CSMD1: variants seen among roughly 807,000 people sequenced by gnomAD.
CSMD1 encodes the protein CUB and Sushi multiple domains 1.
In CSMD1, 213 loss-of-function variants were observed where a neutral mutation model predicts 417.5. The ratio of observed to expected loss-of-function variants is 0.51; its 90% confidence interval spans 0.46 to 0.57. The LOEUF (loss-of-function observed/expected upper bound fraction) is 0.57, where lower values mean the gene tolerates loss of function less well. CSMD1 is among the 20% of genes least tolerant of loss of function. The pLI, the probability that CSMD1 is intolerant of heterozygous loss-of-function variation, is 0.00. For missense variants in CSMD1, 6,923 were observed against 4,529.7 expected, an observed-to-expected ratio of 1.53 and a Z score of -15.17; for synonymous variants, 2,862 against 1,736.8, an observed-to-expected ratio of 1.65 and a Z score of -16.11.
chr8:4,288,580 C>A (rs1034893366), intron 3 of CSMD1, among the ~76,000 whole-genome samples: 1 of 152,184 alleles, frequency 6.6e-6, no homozygotes, highest in Admixed American at 6.5e-5. Context: ...GCAAGTTCAG[C>A]TCTACGCATG....
intron 5 of CSMD1, among the ~76,000 whole-genome samples, chr8:3,933,579 T>C (rs773177777): frequency 1.3e-5 from 2 of 151,984 alleles, no homozygotes; most frequent in Non-Finnish European, 2.9e-5. Flanking sequence ...ATTGAGAAAA[T>C]ATAGGAGTGT....
intron 25 of CSMD1, among the ~76,000 whole-genome samples, chr8:3,292,923 G>C (rs558831754): frequency 2.6e-5 from 4 of 152,076 alleles, no homozygotes; most frequent in African/African-American, 9.6e-5. Context: ...TCCTAGTCTC[G>C]ATGGTCTTTA....
intron 2 of CSMD1, among the ~76,000 whole-genome samples, chr8:4,511,826 C>T (rs537063123): frequency 7.9e-5 from 12 of 152,224 alleles, no homozygotes; most frequent in African/African-American, 2.6e-4. Context: ...GTTTTACTTC[C>T]TGGAGCTTCA....
intron 9 of CSMD1, among the ~76,000 whole-genome samples, chr8:3,581,737 T>G (rs1800391539): frequency 6.6e-6 from 1 of 152,200 alleles, no homozygotes; most frequent in Non-Finnish European, 1.5e-5. Context: ...GAAACGATCA[T>G]TATCAGGCCA....
At chr8:3,934,505 G>T (rs1044892232) in intron 5 of CSMD1, among the ~76,000 whole-genome samples, 2 of 152,118 alleles carry the variant, frequency 1.3e-5, no homozygotes, top group African/African-American at 4.8e-5. Context: ...TGAAGGAAAG[G>T]TAATGAGGCC....
chr8:3,935,580 T>A (rs184919333), intron 5 of CSMD1, among the ~76,000 whole-genome samples: 264 of 152,280 alleles, frequency 1.7e-3, no homozygotes, highest in African/African-American at 5.5e-3. Flanking sequence ...GCTATGGTGA[T>A]CTGTCATCAG....
chr8:3,431,323 C>T (rs931283534), intron 12 of CSMD1, among the ~76,000 whole-genome samples: 4 of 152,170 alleles, frequency 2.6e-5, no homozygotes, highest in African/African-American at 9.7e-5. Context: ...CTCTCCTCTG[C>T]TCTACAGAAA....
chr8:4,653,880 C>A (rs772085227), intron 1 of CSMD1, among the ~76,000 whole-genome samples: 1 of 151,990 alleles, frequency 6.6e-6, no homozygotes, highest in Non-Finnish European at 1.5e-5. Context: ...TAACGTTATT[C>A]ATGCAAAATA....
chr8:4,860,052 C>T (rs1052240907), intron 1 of CSMD1, among the ~76,000 whole-genome samples: 6 of 151,930 alleles, frequency 3.9e-5, no homozygotes, highest in East Asian at 1.9e-4. Context: ...AAATGTGGCA[C>T]GTATACACCA....
At chr8:4,143,141 G>C (rs73178346) in intron 3 of CSMD1, among the ~76,000 whole-genome samples, 45,346 of 132,274 alleles carry the variant, frequency 0.34, 8,479 homozygotes, top group Non-Finnish European at 0.43. Context: ...AGCATTTCTA[G>C]AGAAACAAAT....
At chr8:3,640,867 T>A (rs1170032777) in intron 7 of CSMD1, among the ~76,000 whole-genome samples, 1 of 152,102 alleles carries the variant, frequency 6.6e-6, no homozygotes, top group African/African-American at 2.4e-5. Flanking sequence ...TTTTTTTTAT[T>A]GTTAATGATG....
intron 7 of CSMD1, among the ~76,000 whole-genome samples, chr8:3,685,693 C>A (rs577386785): frequency 3.9e-5 from 6 of 151,908 alleles, no homozygotes; most frequent in African/African-American, 7.2e-5. Flanking sequence ...AAAATCAATG[C>A]AATTTCAAGC....
At chr8:4,512,184 A>G (rs764940234) in intron 2 of CSMD1, among the ~76,000 whole-genome samples, 1 of 152,238 alleles carries the variant, frequency 6.6e-6, no homozygotes, top group Non-Finnish European at 1.5e-5. Flanking sequence ...AGAAAAAATC[A>G]CATGATCACA....
At chr8:4,772,358 G>C (rs541974157) in intron 1 of CSMD1, among the ~76,000 whole-genome samples, 11 of 152,238 alleles carry the variant, frequency 7.2e-5, no homozygotes, top group East Asian at 5.8e-4. Flanking sequence ...TCCATTCAAA[G>C]AAAGTTCTCG....
At chr8:4,741,042 A>C (rs1441887856) in intron 1 of CSMD1, among the ~76,000 whole-genome samples, 1 of 152,220 alleles carries the variant, frequency 6.6e-6, no homozygotes, top group East Asian at 1.9e-4. Context: ...AATTGCTTTA[A>C]TCAATTTTCT....
chr8:3,907,329 C>G (rs77032652), intron 5 of CSMD1, among the ~76,000 whole-genome samples: 3 of 152,078 alleles, frequency 2.0e-5, no homozygotes, highest in African/African-American at 7.2e-5. Context: ...TTTGCTGTTT[C>G]TAAAAGTTAT....
chr8:4,269,802 C>A (rs1479206664), intron 3 of CSMD1, among the ~76,000 whole-genome samples: 2 of 152,138 alleles, frequency 1.3e-5, no homozygotes, highest in South Asian at 2.1e-4. Flanking sequence ...AGGTGATACC[C>A]AATGAAGTCT....
At chr8:3,010,372 G>C (rs1439501407) in intron 52 of CSMD1, among the ~76,000 whole-genome samples, 6 of 152,290 alleles carry the variant, frequency 3.9e-5, no homozygotes, top group African/African-American at 1.4e-4. Flanking sequence ...TTGTGCATGT[G>C]CATCAGGACT....
intron 5 of CSMD1, among the ~76,000 whole-genome samples, chr8:3,906,396 T>G (rs1269587106): frequency 6.6e-6 from 1 of 152,184 alleles, no homozygotes; most frequent in Non-Finnish European, 1.5e-5. Flanking sequence ...GTGAAAAATG[T>G]AATCTGTTTT....
Sources: gnomAD v4.1 joint callset for allele counts (sites outside exome capture counted in the v4.1 genomes callset) on GRCh38, gnomAD v4.1.1 for gene constraint, MANE v1.5 for transcripts, NCBI Gene and HGNC (gene_info 2026-07-23, HGNC 2026-07-21) for gene names.